Variants in CCDC146 observed in about 807,000 individuals in gnomAD.
CCDC146 encodes coiled-coil domain containing 146.
A neutral mutation model predicts 119.3 loss-of-function variants in CCDC146; 92 were observed. That is an observed-to-expected ratio of 0.77 (90% CI 0.65 to 0.92). The LOEUF (loss-of-function observed/expected upper bound fraction) is 0.92. Ranked by LOEUF, CCDC146 falls within the 40% of genes least tolerant of loss-of-function variation. The pLI is 0.00. For synonymous variants in CCDC146, 372 were observed against 371.8 expected (o/e 1.00, Z -0.01); for missense variants, 1,000 against 1,103.0 (o/e 0.91, Z 1.32).
intron 9 of CCDC146, among the ~76,000 whole-genome samples, chr7:77,270,653 T>A (rs1433328864): frequency 1.3e-5 from 2 of 152,152 alleles, no homozygotes; most frequent in Non-Finnish European, 2.9e-5. Context: ...CCTCAATGAG[T>A]AATAGAAACT....
chr7:77,273,804 T>G lies in CCDC146; in HGVS notation c.1269+15T>G. The G allele has an allele frequency of 6.6e-7, 1 of 1,513,774 alleles. No individual in the cohort carries two copies. The highest frequency in any genetic ancestry group is 9.2e-7 in the Non-Finnish European group (1 of 1,091,684). The allele number at this position is 1,513,774 out of a possible 1,614,324, so 93.8% of individuals were successfully genotyped here. A position where few individuals can be genotyped will look rare whatever the true frequency, so the allele number is the denominator to read the frequency against. ...TGGCCCAACAGGTTAATATCAATGC[T>G]CATTTAAGCTTCTATCTAAGAAGCG... On this transcript the variant is annotated intron_variant, in intron 10 of 18. Coordinates refer to ENST00000285871, the MANE Select transcript of CCDC146 (RefSeq NM_020879.3).
In CCDC146 at chr7:77,196,569, G is replaced by T; in HGVS notation, c.156+28745G>T. 1 of 1,614,096 alleles carries T rather than the reference G, an allele frequency of 6.2e-7. No individual in the cohort carries two copies. The highest frequency in any genetic ancestry group is 8.5e-7 in the Non-Finnish European group (1 of 1,179,998). On this transcript the variant is annotated intron_variant, in intron 2 of 18. Transcript: ENST00000285871. The surrounding 1 kb of genome is among the most constrained non-coding windows in gnomAD (Gnocchi z 4.2). ...TCGTGGTTGTAATGTTTGTTGAAAC[G>T]TAATGCATCTCCAGCTGTGCCATTA...
At chr7:77,267,226 C>G (rs1051932100) in intron 9 of CCDC146, among the ~76,000 whole-genome samples, 2 of 152,104 alleles carry the variant, frequency 1.3e-5, no homozygotes, top group African/African-American at 4.8e-5. Context: ...CTCCTGACCT[C>G]AGGTGATCCA....
At chr7:77,160,626 T>G (rs922539443) in intron 1 of CCDC146, among the ~76,000 whole-genome samples, 3 of 152,242 alleles carry the variant, frequency 2.0e-5, no homozygotes, top group African/African-American at 7.2e-5. Flanking sequence ...TTTTGTATCC[T>G]GAGACTTTGC....
intron 17 of CCDC146, among the ~76,000 whole-genome samples, chr7:77,292,262 C>T (rs1487763024): frequency 2.0e-5 from 3 of 150,586 alleles, no homozygotes; most frequent in African/African-American, 7.3e-5. Flanking sequence ...CTACTATATA[C>T]CAGTGTGAGC....
chr7:77,176,233 C>T (rs1351870407), intron 2 of CCDC146, among the ~76,000 whole-genome samples: 1 of 151,148 alleles, frequency 6.6e-6, no homozygotes, highest in Non-Finnish European at 1.5e-5. Context: ...TCAGTTGGTT[C>T]TCTCTTGTTA....
chr7:77,143,534 G>A (rs909475173), intron 1 of CCDC146, among the ~76,000 whole-genome samples: 1 of 151,944 alleles, frequency 6.6e-6, no homozygotes, highest in Admixed American at 6.6e-5. Flanking sequence ...TTCTTCTAGG[G>A]TTTTTATGGT....
At chr7:77,286,727 C>A (rs1793854883) in intron 15 of CCDC146, 71 bp from the exon 16 acceptor site, 2 of 1,527,922 alleles carry the variant, frequency 1.3e-6, no homozygotes, top group Non-Finnish European at 1.8e-6. Context: ...TCTCAAGACC[C>A]TAGGCAATGT....
At chr7:77,266,544 C>T (rs1448984618) in intron 9 of CCDC146, among the ~76,000 whole-genome samples, 6 of 152,140 alleles carry the variant, frequency 3.9e-5, no homozygotes. Flanking sequence ...ATATTGCCTT[C>T]CTTCCTTTAT....
At chr7:77,166,138 A>G (rs1229208344) in intron 1 of CCDC146, among the ~76,000 whole-genome samples, 1 of 152,224 alleles carries the variant, frequency 6.6e-6, no homozygotes, top group Admixed American at 6.5e-5. Context: ...CCACTTTTGG[A>G]TTATTGCACA....
At chr7:77,243,204 G>T (rs1195409850) in intron 4 of CCDC146, among the ~76,000 whole-genome samples, 3 of 152,072 alleles carry the variant, frequency 2.0e-5, no homozygotes, top group Admixed American at 2.0e-4. Context: ...CCTGCCAAGA[G>T]AAAAAAACAA....
intron 1 of CCDC146, among the ~76,000 whole-genome samples, chr7:77,123,399 A>G (rs949195868): frequency 7.2e-6 from 1 of 137,960 alleles, no homozygotes; most frequent in African/African-American, 2.7e-5. Flanking sequence ...AAATGACCCT[A>G]TAAGGTGTGT....
intron 1 of CCDC146, among the ~76,000 whole-genome samples, chr7:77,154,294 T>G (rs1183767099): frequency 6.6e-6 from 1 of 152,170 alleles, no homozygotes; most frequent in Non-Finnish European, 1.5e-5. Flanking sequence ...AAACTGAATT[T>G]TATTGCATTC....
chr7:77,220,302 G>C (rs1469440665), intron 2 of CCDC146, among the ~76,000 whole-genome samples: 1 of 152,216 alleles, frequency 6.6e-6, no homozygotes, highest in Non-Finnish European at 1.5e-5. Flanking sequence ...TGGCCCCGCA[G>C]GCAGTCAGGC....
At chr7:77,141,639 T>C (rs2117418469) in intron 1 of CCDC146, among the ~76,000 whole-genome samples, 1 of 152,362 alleles carries the variant, frequency 6.6e-6, no homozygotes, top group South Asian at 2.1e-4. Context: ...CATCTCGTTG[T>C]GGTTTTGATT....
At chr7:77,142,683 C>T (rs879881762) in intron 1 of CCDC146, among the ~76,000 whole-genome samples, 4 of 151,310 alleles carry the variant, frequency 2.6e-5, no homozygotes, top group South Asian at 2.1e-4. Context: ...TTTGTTCTTG[C>T]GATAGTTTGC....
intron 2 of CCDC146, among the ~76,000 whole-genome samples, chr7:77,179,854 T>G (rs1422334531): frequency 1.3e-5 from 2 of 152,220 alleles, no homozygotes; most frequent in Non-Finnish European, 1.5e-5. Context: ...ATTAAACAAC[T>G]CCCCAATTCC....
chr7:77,219,904 T>G (rs1239631138), intron 2 of CCDC146, among the ~76,000 whole-genome samples: 1 of 151,974 alleles, frequency 6.6e-6, no homozygotes, highest in Non-Finnish European at 1.5e-5. Flanking sequence ...AGAGGCAGAT[T>G]GAGATCACAA....
intron 1 of CCDC146, among the ~76,000 whole-genome samples, chr7:77,140,676 A>G (rs1451417750): frequency 6.6e-6 from 1 of 152,164 alleles, no homozygotes; most frequent in African/African-American, 2.4e-5. Context: ...CATTCAGTCA[A>G]TAGCACCCGT....
Sources: allele counts gnomAD v4.1 joint callset (sites outside exome capture counted in the v4.1 genomes callset), GRCh38; gene constraint gnomAD v4.1.1; non-coding constraint Gnocchi (gnomAD v3.1); transcripts MANE v1.5; gene names NCBI Gene and HGNC (gene_info 2026-07-23, HGNC 2026-07-21).